Variants in XYLT1 observed in about 807,000 individuals in gnomAD.
The protein encoded by XYLT1 is xylosyltransferase 1, also known as beta-D-xylosyltransferase 1.
A neutral mutation model predicts 91.3 loss-of-function variants in XYLT1; 36 were observed. The ratio of observed to expected loss-of-function variants is 0.39; its 90% CI spans 0.30 to 0.52. The LOEUF (loss-of-function observed/expected upper bound fraction) is 0.52. XYLT1 is among the 20% of genes least tolerant of loss of function. The pLI, the probability that XYLT1 is intolerant of heterozygous loss-of-function variation, is 0.68. For synonymous variants in XYLT1, 588 were observed against 532.0 expected, an observed-to-expected ratio of 1.11 and a Z score of -1.45; for missense variants, 1,242 against 1,284.5, an observed-to-expected ratio of 0.97 and a Z score of 0.51.
At chr16:17,182,813 G>A (rs1317741338) in intron 5 of XYLT1, among the ~76,000 whole-genome samples, 1 of 152,044 alleles carries the variant, frequency 6.6e-6, no homozygotes, top group East Asian at 1.9e-4. Context: ...GTAGAGATAT[G>A]GAGAGTCTGA....
At chr16:17,263,409 C>G (rs1231723874) in intron 2 of XYLT1, among the ~76,000 whole-genome samples, 1 of 152,090 alleles carries the variant, frequency 6.6e-6, no homozygotes, top group Non-Finnish European at 1.5e-5. Flanking sequence ...GCTCTCTACT[C>G]AAGACAGGCC....
chr16:17,344,989 G>A lies in XYLT1; in HGVS notation c.402+13023C>T, dbSNP rs118084890. On this transcript the variant is annotated intron_variant, in intron 2 of 11. Coordinates refer to ENST00000261381, the MANE Select transcript of XYLT1 (RefSeq NM_022166.4). ...GTTCTAGGATTATACATAGGCGTGA[G>A]CCACTGCGCCCGGCCTAACACAGGC... Among the ~76,000 whole-genome samples, 20 of 152,306 alleles carry A rather than the reference G, an allele frequency of 1.3e-4. No homozygotes were observed. In the East Asian group the frequency reaches 3.9e-3, roughly 29 times the overall value.
intron 2 of XYLT1, among the ~76,000 whole-genome samples, chr16:17,277,514 T>C (rs910307231): frequency 1.3e-5 from 2 of 152,032 alleles, no homozygotes; most frequent in Non-Finnish European, 2.9e-5. Context: ...CTCAGCCTCC[T>C]GAGTAGGTGG....
At chr16:17,305,159 C>G (rs1350556683) in intron 2 of XYLT1, among the ~76,000 whole-genome samples, 1 of 152,172 alleles carries the variant, frequency 6.6e-6, no homozygotes, top group Non-Finnish European at 1.5e-5. Flanking sequence ...AAAGCCATCC[C>G]AGTTCCCCAA....
chr16:17,414,890 A>G lies in XYLT1; in HGVS notation c.363+55544T>C, dbSNP rs142142379. ...CGCATGAATACCCAACGGGGCCGGCATGTGGTGAGCACTGTGTGGACGGTA... is the reference window on the plus strand; with the variant it reads ...CGCATGAATACCCAACGGGGCCGGCGTGTGGTGAGCACTGTGTGGACGGTA... On this transcript the variant is annotated intron_variant, in intron 1 of 11. Coordinates refer to ENST00000261381, the MANE Select transcript of XYLT1 (RefSeq NM_022166.4). 1.2e-4 allele frequency among the ~76,000 whole-genome samples: 18 copies of G among 152,296 alleles called. No homozygotes were observed. The East Asian group carries it at 1.9e-3, about 16-fold the overall frequency.
chr16:17,206,998 T>C (rs146722761), intron 3 of XYLT1, among the ~76,000 whole-genome samples: 4 of 152,214 alleles, frequency 2.6e-5, no homozygotes, highest in East Asian at 1.9e-4. Context: ...GGAGTTAGCA[T>C]TGCCACATAG....
intron 1 of XYLT1, among the ~76,000 whole-genome samples, chr16:17,440,127 C>G (rs537840671): frequency 1.3e-5 from 2 of 152,328 alleles, no homozygotes; most frequent in East Asian, 3.9e-4. Context: ...AAGGAAGGAA[C>G]TGGGGCCCTT....
chr16:17,128,988 T>C (rs952658804), intron 9 of XYLT1, among the ~76,000 whole-genome samples: 2 of 145,732 alleles, frequency 1.4e-5, no homozygotes, highest in African/African-American at 5.0e-5. Flanking sequence ...TGTCCAATTA[T>C]AACAGTTAGG....
intron 1 of XYLT1, among the ~76,000 whole-genome samples, chr16:17,372,825 T>C (rs1421768362): frequency 6.6e-6 from 1 of 152,200 alleles, no homozygotes; most frequent in Non-Finnish European, 1.5e-5. Flanking sequence ...AATAATGACA[T>C]ATACCTACTT....
intron 2 of XYLT1, among the ~76,000 whole-genome samples, chr16:17,317,400 A>G (rs1267434615): frequency 6.6e-6 from 1 of 151,864 alleles, no homozygotes; most frequent in Admixed American, 6.6e-5. Flanking sequence ...TGGGAGGCCT[A>G]GGCGGGAGGG....
intron 3 of XYLT1, among the ~76,000 whole-genome samples, chr16:17,203,624 TCATC>T (rs1395798456): frequency 6.6e-6 from 1 of 152,010 alleles, no homozygotes; most frequent in African/African-American, 2.4e-5. Context: ...ATGCATTTAT[TCATC>T]CATCCAAGTC....
chr16:17,470,249 G>C (rs564116111), intron 1 of XYLT1, among the ~76,000 whole-genome samples, 185 bp downstream of exon 1: 13 of 152,254 alleles, frequency 8.5e-5, no homozygotes, highest in Non-Finnish European at 1.6e-4. Context: ...CTCTGAAAGG[G>C]GCAGCCCACG....
At chr16:17,197,014 A>AATATGTATAT (rs2032439427) in intron 5 of XYLT1, among the ~76,000 whole-genome samples, 3 of 110,502 alleles carry the variant, frequency 2.7e-5, no homozygotes, top group African/African-American at 1.3e-4. Context: ...CTGTCTCCAA[A>AATATGTATAT]ATATATATAT....
chr16:17,224,501 T>A (rs1031419943), intron 3 of XYLT1, among the ~76,000 whole-genome samples: 8 of 152,328 alleles, frequency 5.3e-5, no homozygotes, highest in Non-Finnish European at 1.0e-4. Flanking sequence ...CGTGCACTTG[T>A]TAGCAGATGC....
At chr16:17,172,897 G>A (rs1302646165) in intron 5 of XYLT1, among the ~76,000 whole-genome samples, 2 of 152,142 alleles carry the variant, frequency 1.3e-5, no homozygotes, top group Non-Finnish European at 2.9e-5. Flanking sequence ...CTCTACATGA[G>A]CTCATACCTC....
At chr16:17,171,795 C>T (rs1031175593) in intron 5 of XYLT1, among the ~76,000 whole-genome samples, 3 of 152,216 alleles carry the variant, frequency 2.0e-5, no homozygotes, top group African/African-American at 7.2e-5. Context: ...GGACTCACTT[C>T]CACCCCTATA....
intron 1 of XYLT1, among the ~76,000 whole-genome samples, chr16:17,418,682 T>C (rs1275361385): frequency 6.6e-6 from 1 of 152,018 alleles, no homozygotes; most frequent in African/African-American, 2.4e-5. Flanking sequence ...ACCCTGTCTC[T>C]ACAAAAAATA....
In XYLT1 at chr16:17,381,585, C is replaced by G. The variant is rs533145197; in HGVS notation, c.364-23535G>C. 2.6e-5 allele frequency among the ~76,000 whole-genome samples: 4 copies of G among 151,960 alleles called. No individual in the cohort carries two copies. In the East Asian group the frequency reaches 7.8e-4, roughly 29 times the overall value. ...GGGATTACAGGCATGCACCACCATG[C>G]CTGGCTAATTTTTGTATTTTTAATA... On this transcript the variant is annotated intron_variant, in intron 1 of 11. Coordinates refer to ENST00000261381, the MANE Select transcript of XYLT1 (RefSeq NM_022166.4).
intron 3 of XYLT1, among the ~76,000 whole-genome samples, chr16:17,242,901 G>A (rs79654400): frequency 3.9e-5 from 6 of 152,296 alleles, no homozygotes; most frequent in South Asian, 4.1e-4. Context: ...TTCACTTAGC[G>A]TGAAGTCCCC....
Sources: gnomAD v4.1 joint callset for allele counts (sites outside exome capture counted in the v4.1 genomes callset) on GRCh38, gnomAD v4.1.1 for gene constraint, MANE v1.5 for transcripts, NCBI Gene and HGNC (gene_info 2026-07-23, HGNC 2026-07-21) for gene names.